Variants in GALNTL6 observed in about 807,000 individuals in gnomAD.
The protein encoded by GALNTL6 is polypeptide N-acetylgalactosaminyltransferase-like 6.
Under a neutral mutation model 73.7 loss-of-function variants are expected in GALNTL6, and 46 were observed. The observed-to-expected ratio is 0.62, with a 90% confidence interval of 0.49 to 0.80. The LOEUF (loss-of-function observed/expected upper bound fraction) is 0.80. GALNTL6 is among the 30% of genes least tolerant of loss of function. GALNTL6 has a pLI of 0.00. For missense variants in GALNTL6, 604 were observed against 755.0 expected, an observed-to-expected ratio of 0.80 and a Z score of 2.34; for synonymous variants, 259 against 263.7, an observed-to-expected ratio of 0.98 and a Z score of 0.17.
chr4:172,627,489 G>C (rs1739212290), intron 5 of GALNTL6, among the ~76,000 whole-genome samples: 1 of 150,568 alleles, frequency 6.6e-6, no homozygotes, highest in Non-Finnish European at 1.5e-5. Context: ...TGGTATGAAA[G>C]TGATGCTGGC....
intron 5 of GALNTL6, among the ~76,000 whole-genome samples, chr4:172,428,493 C>G (rs1342315278): frequency 6.6e-6 from 1 of 152,136 alleles, no homozygotes; most frequent in Non-Finnish European, 1.5e-5. Flanking sequence ...ATTGCATCCA[C>G]AGATGCTTGC....
intron 10 of GALNTL6, among the ~76,000 whole-genome samples, chr4:172,993,122 GC>G (rs1304937569): frequency 6.6e-6 from 1 of 152,170 alleles, no homozygotes; most frequent in African/African-American, 2.4e-5. Context: ...GTATGTTGAA[GC>G]CCTAATCCCC....
rs1313173208 is a variant in GALNTL6, at chr4:172,712,776, C to A, written c.554-96585C>A. 5.3e-5 allele frequency among the ~76,000 whole-genome samples: 8 copies of A among 152,258 alleles called. No individual in the cohort carries two copies. The South Asian group carries it at 1.2e-3, about 24-fold the overall frequency. ...CTGGAACACTGTATGCCTTGCATAACTATCACCTGTCATAATTATTTGTTA... is the reference window on the plus strand; with the variant it reads ...CTGGAACACTGTATGCCTTGCATAAATATCACCTGTCATAATTATTTGTTA... On this transcript the variant is annotated intron_variant, in intron 5 of 12. Transcript: ENST00000506823.
chr4:172,124,356 C>A (rs939422961), intron 2 of GALNTL6, among the ~76,000 whole-genome samples: 13 of 152,066 alleles, frequency 8.5e-5, no homozygotes, highest in Admixed American at 2.0e-4. Context: ...CAAGGCCCAG[C>A]TGAAAAATCC....
chr4:172,495,910 C>G (rs1734056892), intron 5 of GALNTL6, among the ~76,000 whole-genome samples: 2 of 152,186 alleles, frequency 1.3e-5, no homozygotes, highest in Admixed American at 1.3e-4. Flanking sequence ...TATCCTCTCC[C>G]TTTTTAGTTG....
intron 2 of GALNTL6, among the ~76,000 whole-genome samples, chr4:171,823,580 T>G (rs939190810): frequency 2.6e-5 from 2 of 78,196 alleles, no homozygotes; most frequent in Non-Finnish European, 6.8e-5. Context: ...TATATATATA[T>G]ACACACACAC....
At chr4:172,767,720 C>T (rs1738524060) in intron 5 of GALNTL6, among the ~76,000 whole-genome samples, 2 of 131,776 alleles carry the variant, frequency 1.5e-5, no homozygotes, top group Non-Finnish European at 3.1e-5. Context: ...GGCTGGAGTG[C>T]AATGAATGAC....
intron 5 of GALNTL6, among the ~76,000 whole-genome samples, chr4:172,444,820 T>G (rs898950122): frequency 7.9e-5 from 12 of 152,082 alleles, no homozygotes; most frequent in African/African-American, 2.9e-4. Context: ...TCTTAAATCC[T>G]GAACACATTT....
chr4:172,339,339 T>C (rs1741476772), intron 4 of GALNTL6, among the ~76,000 whole-genome samples: 1 of 147,266 alleles, frequency 6.8e-6, no homozygotes, highest in African/African-American at 2.5e-5. Context: ...ACCAAGTTGG[T>C]TTCTTCTCAC....
intron 5 of GALNTL6, among the ~76,000 whole-genome samples, chr4:172,699,281 C>T (rs1733886530): frequency 6.6e-6 from 1 of 152,162 alleles, no homozygotes; most frequent in Non-Finnish European, 1.5e-5. Flanking sequence ...CCATAGCATT[C>T]TGCATGGTAA....
chr4:172,334,001 A>G (rs1406583808), intron 4 of GALNTL6, among the ~76,000 whole-genome samples: 2 of 152,164 alleles, frequency 1.3e-5, no homozygotes, highest in African/African-American at 4.8e-5. Flanking sequence ...GGTTGTAAAT[A>G]TGTGACCTTA....
intron 2 of GALNTL6, among the ~76,000 whole-genome samples, chr4:171,832,874 A>G (rs1454673492): frequency 6.6e-6 from 1 of 151,842 alleles, no homozygotes; most frequent in Non-Finnish European, 1.5e-5. Context: ...AAACATAAAC[A>G]TTCAATAAGC....
intron 5 of GALNTL6, among the ~76,000 whole-genome samples, chr4:172,647,516 G>A (rs539557266): frequency 6.6e-6 from 1 of 152,040 alleles, no homozygotes; most frequent in African/African-American, 2.4e-5. Flanking sequence ...TTCTATTCCA[G>A]GGCCCAGGCT....
intron 3 of GALNTL6, among the ~76,000 whole-genome samples, chr4:172,288,750 T>G (rs990265450): frequency 2.6e-5 from 4 of 152,182 alleles, no homozygotes; most frequent in Admixed American, 6.6e-5. Context: ...TCAGCAAATT[T>G]TCTGAGATGA....
intron 9 of GALNTL6, among the ~76,000 whole-genome samples, chr4:172,944,814 G>A (rs1467227342): frequency 6.6e-6 from 1 of 152,128 alleles, no homozygotes; most frequent in Non-Finnish European, 1.5e-5. Flanking sequence ...CCAGCACTTT[G>A]GGAGGCTGAG....
At chr4:172,144,015 C>A (rs1416894634) in intron 2 of GALNTL6, among the ~76,000 whole-genome samples, 5 of 152,130 alleles carry the variant, frequency 3.3e-5, no homozygotes, top group African/African-American at 9.7e-5. Flanking sequence ...CTCTGACCTG[C>A]AACTCTGCAC....
In GALNTL6 at chr4:172,508,785, A is replaced by AT. The variant is rs1287348800; in HGVS notation, c.553+160105dup. 1.5e-4 allele frequency among the ~76,000 whole-genome samples: 7 copies of AT among 47,476 alleles called. 2 individuals carry two copies. Among genetic ancestry groups the AT allele is most frequent in the Admixed American group, 6.3e-4 (2 of 3,160 alleles). The allele number at this position is 47,476 out of a possible 152,430, so 31.1% of individuals were successfully genotyped here. On this transcript the variant is annotated intron_variant, in intron 5 of 12. Transcript: ENST00000506823. The stretch of plus-strand genomic sequence containing the variant: ...GTATTCCATGGTGTATATATACCAC[A>AT]TTTTTTTTTAATCAACTCATTGATT...
At chr4:172,819,591 G>C (rs898190490) in intron 7 of GALNTL6, among the ~76,000 whole-genome samples, 1 of 152,160 alleles carries the variant, frequency 6.6e-6, no homozygotes, top group Non-Finnish European at 1.5e-5. Flanking sequence ...TCTTTCACAC[G>C]TGATGAAGGG....
At chr4:172,627,996 T>C (rs1415296612) in intron 5 of GALNTL6, among the ~76,000 whole-genome samples, 5 of 152,104 alleles carry the variant, frequency 3.3e-5, no homozygotes, top group African/African-American at 1.2e-4. Context: ...GGGTCTCAAT[T>C]TCTCTCAGTT....
Sources: allele counts gnomAD v4.1 joint callset (sites outside exome capture counted in the v4.1 genomes callset), GRCh38; gene constraint gnomAD v4.1.1; transcripts MANE v1.5; gene names NCBI Gene and HGNC (gene_info 2026-07-23, HGNC 2026-07-21).